Variants in SERPINB10 observed in about 807,000 individuals in gnomAD.
SERPINB10 encodes the protein serpin family B member 10.
Under a neutral mutation model 39.1 loss-of-function variants are expected in SERPINB10, and 35 were observed. The observed-to-expected ratio is 0.90, with a 90% confidence interval of 0.68 to 1.19. The LOEUF (loss-of-function observed/expected upper bound fraction) is 1.19. Ranked by LOEUF, SERPINB10 falls within the 50% of genes most tolerant of loss-of-function variation. SERPINB10 has a pLI of 0.00. For missense variants in SERPINB10, 546 were observed against 460.5 expected (o/e 1.19, Z -1.70); for synonymous variants, 190 against 158.1 (o/e 1.20, Z -1.52).
At chr18:63,913,754 G>A (rs1224112049) in intron 1 of SERPINB10, among the ~76,000 whole-genome samples, 3 of 152,026 alleles carry the variant, frequency 2.0e-5, no homozygotes, top group Non-Finnish European at 4.4e-5. Flanking sequence ...TGTGGTTGAT[G>A]GCTGGAGTAT....
intron 5 of SERPINB10, among the ~76,000 whole-genome samples, chr18:63,926,859 A>G (rs2050184980): frequency 6.6e-6 from 1 of 152,092 alleles, no homozygotes; most frequent in Non-Finnish European, 1.5e-5. Context: ...AGATGTTATC[A>G]TTTAACGATA....
chr18:63,915,795 A>G, intron 2 of SERPINB10, 117 bp downstream of exon 2: 1 of 889,362 alleles, frequency 1.1e-6, no homozygotes, highest in Admixed American at 3.2e-5. Context: ...AACATTCTCT[A>G]AAACAAGACA....
In SERPINB10 at chr18:63,935,172, C is replaced by T. The variant is rs945168977; in HGVS notation, c.1124C>T (p.Pro375Leu). 4 of 1,612,504 alleles carry T rather than the reference C, an allele frequency of 2.5e-6. No homozygotes were observed. The highest frequency in any genetic ancestry group is 2.5e-6 in the Non-Finnish European group (3 of 1,179,770). ...TCCATTGAATTCAATGCAAATCACC[C>T]ATTCCTCTTCTTCATCAGGCACAAT... ...VPSIEFNANH[P>L]FLFFIRHNKT... is the part of the protein sequence containing the mutation. Residue 375 changes from proline (P) to leucine (L), a missense_variant, in exon 8 of 8, where the codon CCA becomes CTA. By Grantham distance (98) the Pro-to-Leu change is moderately conservative (BLOSUM62 -3). Transcript: ENST00000238508.
chr18:63,916,378 C>T (rs1599077522), intron 2 of SERPINB10, among the ~76,000 whole-genome samples: 1 of 150,248 alleles, frequency 6.7e-6, no homozygotes, highest in African/African-American at 2.4e-5. Context: ...GGAGTAAACT[C>T]GGCCCTAAAT....
In SERPINB10 at chr18:63,933,197, G is replaced by T; in HGVS notation, c.783G>T (p.Leu261=). The T allele has an allele frequency of 6.2e-7, 1 of 1,613,906 alleles. No individual in the cohort carries two copies. The highest frequency in any genetic ancestry group is 8.5e-7 in the Non-Finnish European group (1 of 1,179,894). The part of the protein sequence containing the change: ...LILLPEDING[L]EQLEKAITYE... ...TACTGCCAGAAGACATTAATGGGCT[G>T]GAACAGGTAAATAACATCAGTGTGT... The change falls in exon 7 of 8, where the codon CTG becomes CTT. Residue 261 remains leucine (L), a synonymous_variant. Coordinates refer to ENST00000238508, the MANE Select transcript of SERPINB10 (RefSeq NM_005024.3).
intron 5 of SERPINB10, among the ~76,000 whole-genome samples, chr18:63,924,025 T>G (rs139286231): frequency 1.3e-5 from 2 of 152,028 alleles, no homozygotes; most frequent in Non-Finnish European, 2.9e-5. Flanking sequence ...TCTGAATATG[T>G]AAATTTTGCT....
At chr18:63,910,943 G>A (rs529441466) in intron 1 of SERPINB10, among the ~76,000 whole-genome samples, 12 of 151,902 alleles carry the variant, frequency 7.9e-5, no homozygotes, top group East Asian at 1.9e-4. Flanking sequence ...TCTCCACAGC[G>A]TCATCAGCAT....
chr18:63,935,927 A>G lies in SERPINB10; in HGVS notation c.*685A>G, dbSNP rs1299646062. On this transcript the variant is annotated 3_prime_UTR_variant, in exon 8 of 8. Coordinates refer to ENST00000238508, the MANE Select transcript of SERPINB10 (RefSeq NM_005024.3). ...AAAAAACTAGTGAAATCCAAATGAA[A>G]TTTGAAGTTTAGCTAGTAGCAATCT... The G allele has an allele frequency of 1.3e-5, 2 of 152,238 alleles. No individual in the cohort carries two copies. Among genetic ancestry groups the G allele is most frequent in the Non-Finnish European group, 2.9e-5 (2 of 68,044 alleles). The allele number at this position is 152,238 out of a possible 1,614,324, so 9.4% of individuals were successfully genotyped here.
intron 7 of SERPINB10, 79 bp from the exon 8 acceptor site, chr18:63,934,759 C>A: frequency 7.0e-7 from 1 of 1,422,306 alleles, no homozygotes; most frequent in Non-Finnish European, 9.5e-7. Flanking sequence ...TATGTAATTC[C>A]TAGGGTGCTC....
chr18:63,932,016 C>A (rs78976844), intron 6 of SERPINB10, among the ~76,000 whole-genome samples: 25 of 152,120 alleles, frequency 1.6e-4, no homozygotes, highest in African/African-American at 5.8e-4. Context: ...CAGCACGTAG[C>A]CTTTTGAGGC....
In SERPINB10 at chr18:63,935,484, T is replaced by C; in HGVS notation, c.*242T>C. The C allele has an allele frequency of 2.3e-6, 1 of 437,076 alleles. No homozygotes were observed. Among genetic ancestry groups the C allele is most frequent in the South Asian group, 4.7e-5 (1 of 21,296 alleles). 27.1% of individuals were successfully genotyped at this position (437,076 alleles called of 1,614,324 possible). ...TTGTCTAATGTGACTTTCATTTACA[T>C]TTCAGAAGTACTATGCTATTCAACT... On this transcript the variant is annotated 3_prime_UTR_variant, in exon 8 of 8. Coordinates refer to ENST00000238508, the MANE Select transcript of SERPINB10 (RefSeq NM_005024.3).
At chr18:63,931,310 C>T (rs2050220351) in intron 6 of SERPINB10, among the ~76,000 whole-genome samples, 1 of 152,150 alleles carries the variant, frequency 6.6e-6, no homozygotes, top group Non-Finnish European at 1.5e-5. Context: ...ATGGTTGCCT[C>T]ATATTCAGTC....
At chr18:63,928,525 A>T (rs966369442) in intron 5 of SERPINB10, among the ~76,000 whole-genome samples, 1 of 152,084 alleles carries the variant, frequency 6.6e-6, no homozygotes, top group Non-Finnish European at 1.5e-5. Flanking sequence ...AGCCTTTCAG[A>T]TGTTAATCAG....
At chr18:63,933,965 T>G (rs1385755367) in intron 7 of SERPINB10, among the ~76,000 whole-genome samples, 4 of 152,216 alleles carry the variant, frequency 2.6e-5, no homozygotes, top group Non-Finnish European at 1.5e-5. Flanking sequence ...TCATAAAATT[T>G]GTGAAACTGG....
intron 5 of SERPINB10, among the ~76,000 whole-genome samples, chr18:63,927,659 T>C (rs537641133): frequency 6.6e-5 from 10 of 152,114 alleles, no homozygotes; most frequent in African/African-American, 2.4e-4. Context: ...TCTATCACAC[T>C]GAACATTAGG....
At chr18:63,923,827 G>A (rs915302927) in intron 5 of SERPINB10, among the ~76,000 whole-genome samples, 2 of 151,460 alleles carry the variant, frequency 1.3e-5, no homozygotes, top group African/African-American at 4.9e-5. Flanking sequence ...ACTTTTCATT[G>A]CTTTGCCCTT....
At chr18:63,929,965 A>C in intron 5 of SERPINB10, 80 bp from the exon 6 acceptor site, 1 of 1,454,918 alleles carries the variant, frequency 6.9e-7, no homozygotes. Flanking sequence ...TAGTTCCAGA[A>C]AAAATAGAAG....
At chr18:63,928,038 A>G (rs1421956665) in intron 5 of SERPINB10, among the ~76,000 whole-genome samples, 1 of 151,952 alleles carries the variant, frequency 6.6e-6, no homozygotes, top group Non-Finnish European at 1.5e-5. Context: ...GGAGGTAATC[A>G]CTTGAGAGTT....
At position 63,915,611 on chromosome 18, in the gene SERPINB10, G is replaced by T; in HGVS notation, c.101G>T (p.Ser34Ile). Reference protein sequence around the residue: ...QGKNIFFSSWSISTSLTIVYL... With the variant: ...QGKNIFFSSWIISTSLTIVYL... ...AAAAATATCTTCTTTTCTTCCTGGA[G>T]CATCTCAACTTCCTTGACCATAGTG... The change falls in exon 2 of 8, where the codon AGC (serine) becomes ATC (isoleucine). Residue 34 changes from serine to isoleucine, a missense_variant. Physicochemically the swap from Ser to Ile is moderately radical, Grantham distance 142. Coordinates refer to ENST00000238508, the MANE Select transcript of SERPINB10 (RefSeq NM_005024.3). The T allele has an allele frequency of 6.2e-7, 1 of 1,612,798 alleles. No homozygotes were observed. Among genetic ancestry groups the T allele is most frequent in the Non-Finnish European group, 8.5e-7 (1 of 1,179,246 alleles).
Sources: gnomAD v4.1 joint callset for allele counts (sites outside exome capture counted in the v4.1 genomes callset) on GRCh38, gnomAD v4.1.1 for gene constraint, MANE v1.5 for transcripts, NCBI Gene and HGNC (gene_info 2026-07-23, HGNC 2026-07-21) for gene names.